Variants in WNT5B observed in about 807,000 individuals in gnomAD.
The protein encoded by WNT5B is Wnt family member 5B.
In WNT5B, 18 loss-of-function variants were observed where a neutral mutation model predicts 36.5. The ratio of observed to expected loss-of-function variants is 0.49; its 90% CI spans 0.34 to 0.73. The LOEUF (loss-of-function observed/expected upper bound fraction) is 0.73. Among genes scored for constraint, WNT5B ranks in the 30% least tolerant of loss-of-function variants. WNT5B has a pLI of 0.01. For synonymous variants in WNT5B, 213 were observed against 212.3 expected (o/e 1.00, Z -0.03); for missense variants, 424 against 508.4 (o/e 0.83, Z 1.60).
Position 1,637,958 on chromosome 12 carries a change from C to T in WNT5B, c.329-1726C>T, listed in dbSNP as rs138925394. ...CCACAAACCTTCAATTTGTAAAAAACGCAACACCGGCCAGGCACGGTGGCT... is the reference window on the plus strand; with the variant it reads ...CCACAAACCTTCAATTTGTAAAAAATGCAACACCGGCCAGGCACGGTGGCT... On this transcript the variant is annotated intron_variant, in intron 3 of 4. Transcript: ENST00000397196. Among the ~76,000 whole-genome samples, 240 of 151,046 alleles carry T rather than the reference C, an allele frequency of 1.6e-3. 1 individual carries two copies. The highest frequency in any genetic ancestry group is 5.3e-3 in the African/African-American group (220 of 41,126).
In WNT5B at chr12:1,633,878, T is replaced by C. The variant is rs1477716598; in HGVS notation, c.328+973T>C. Among the ~76,000 whole-genome samples, 1 of 149,982 alleles carries C rather than the reference T, an allele frequency of 6.7e-6. No individual in the cohort carries two copies. The highest frequency in any genetic ancestry group is 1.5e-5 in the Non-Finnish European group (1 of 67,262). ...GAAGGCTCCTTCCCCCTCCCACTTA[T>C]TCCAGACCTCTTTCCCTACCCTCTC... On this transcript the variant is annotated intron_variant, in intron 3 of 4. Coordinates refer to ENST00000397196, the MANE Select transcript of WNT5B (RefSeq NM_032642.3). This position sits in a 1 kb window ranked among gnomAD's most constrained non-coding sequence, Gnocchi z 4.8.
chr12:1,617,855 T>C (rs2094528933), intron 1 of WNT5B, among the ~76,000 whole-genome samples: 1 of 151,986 alleles, frequency 6.6e-6, no homozygotes, highest in African/African-American at 2.4e-5. Flanking sequence ...CAAAGACACT[T>C]GGGCTGGGCG....
intron 3 of WNT5B, among the ~76,000 whole-genome samples, chr12:1,638,001 C>A (rs1284612619): frequency 6.6e-6 from 1 of 152,212 alleles, no homozygotes; most frequent in Non-Finnish European, 1.5e-5. Context: ...CTAATCCCAG[C>A]ACTTTGGGAG....
chr12:1,632,869 G>C lies in WNT5B; in HGVS notation c.292G>C (p.Asp98His). The change falls in exon 3 of 5, where the codon GAC becomes CAC. Residue 98 changes from aspartate to histidine, a missense_variant. Asp to His is a moderately conservative substitution (Grantham distance 81). Coordinates refer to ENST00000397196, the MANE Select transcript of WNT5B (RefSeq NM_032642.3). The surrounding 1 kb of genome is among the most constrained non-coding windows in gnomAD (Gnocchi z 5.8). ...GCGGCGGTGGAATTGCAGCACAGCG[G>C]ACAACGCATCTGTCTTTGGGAGAGT... ...RQRRWNCSTADNASVFGRVMQ... is the reference protein window; with the variant it reads ...RQRRWNCSTAHNASVFGRVMQ... 6.2e-7 allele frequency: 1 copy of C among 1,613,948 alleles called. No individual in the cohort carries two copies. The highest frequency in any genetic ancestry group is 8.5e-7 in the Non-Finnish European group (1 of 1,179,880).
chr12:1,622,204 G>A (rs12369787), intron 1 of WNT5B, among the ~76,000 whole-genome samples: 35,800 of 150,008 alleles, frequency 0.24, 4,896 homozygotes, highest in Non-Finnish European at 0.32. Flanking sequence ...TCCGCTTCCC[G>A]GGTTCACGCC....
At chr12:1,635,267 C>T (rs2094558540) in intron 3 of WNT5B, among the ~76,000 whole-genome samples, 1 of 152,208 alleles carries the variant, frequency 6.6e-6, no homozygotes, top group African/African-American at 2.4e-5. Flanking sequence ...GTTAGTTCAG[C>T]TGCAGGTACG....
chr12:1,621,685 A>T (rs975098126), intron 1 of WNT5B, among the ~76,000 whole-genome samples: 1 of 149,206 alleles, frequency 6.7e-6, no homozygotes, highest in Admixed American at 6.7e-5. Flanking sequence ...AGGATTACAG[A>T]CATGTGCCAC....
upstream of WNT5B, among the ~76,000 whole-genome samples, chr12:1,624,400 AAG>A (rs1277473887): frequency 4.1e-3 from 580 of 140,302 alleles, 5 homozygotes; most frequent in African/African-American, 0.013. Context: ...AAAAAAAAAA[AAG>A]AGAAAGCAGA....
intron 1 of WNT5B, among the ~76,000 whole-genome samples, chr12:1,621,606 G>A (rs2094533849): frequency 6.6e-6 from 1 of 152,212 alleles, no homozygotes; most frequent in East Asian, 1.9e-4. Flanking sequence ...CTGGAGTGCA[G>A]TGGTACAATC....
chr12:1,636,320 G>A (rs1204915310), intron 3 of WNT5B, among the ~76,000 whole-genome samples: 3 of 151,234 alleles, frequency 2.0e-5, no homozygotes, highest in Admixed American at 6.6e-5. Flanking sequence ...CTGCACACCC[G>A]TTAACTGTCA....
intron 3 of WNT5B, among the ~76,000 whole-genome samples, chr12:1,636,044 C>T (rs1407597771): frequency 6.6e-6 from 1 of 152,138 alleles, no homozygotes. Context: ...CCTTCCAAGA[C>T]AAGACTCTGG....
Position 1,630,346 on chromosome 12 carries a change from T to A in WNT5B, c.-57-952T>A. ...AGGCGCAGGCTCGCTCTAGCAGCAC[T>A]GACCTGCTGCGGGTCCCAGGGCCTG... On this transcript the variant is annotated intron_variant, in intron 1 of 4. Transcript: ENST00000397196. This position sits in a 1 kb window ranked among gnomAD's most constrained non-coding sequence, Gnocchi z 5.3. 1.7e-6 allele frequency: 1 copy of A among 584,384 alleles called. No homozygotes were observed. The highest frequency in any genetic ancestry group is 2.2e-6 in the Non-Finnish European group (1 of 463,974). 36.2% of individuals were successfully genotyped at this position (584,384 alleles called of 1,614,324 possible). A position where few individuals can be genotyped will look rare whatever the true frequency, so the allele number is the denominator to read the frequency against.
intron 3 of WNT5B, among the ~76,000 whole-genome samples, chr12:1,639,301 C>G (rs543620840): frequency 6.6e-6 from 1 of 151,718 alleles, no homozygotes; most frequent in Non-Finnish European, 1.5e-5. Context: ...CCACGCCCGG[C>G]TAATTTTTTG....
At chr12:1,628,038 C>T (rs2094543617), upstream of WNT5B, among the ~76,000 whole-genome samples, 1 of 152,132 alleles carries the variant, frequency 6.6e-6, no homozygotes, top group Non-Finnish European at 1.5e-5. Context: ...AGAGGAGGAA[C>T]AGAGCAGATG....
chr12:1,641,385 CAA>C (rs1371392049), intron 4 of WNT5B, among the ~76,000 whole-genome samples: 14 of 100,926 alleles, frequency 1.4e-4, no homozygotes, highest in African/African-American at 1.4e-4. Context: ...GACTCCATCT[CAA>C]AAAAAAAAAA....
chr12:1,630,295 G>A lies in WNT5B; in HGVS notation c.-58+924G>A, dbSNP rs2094547973. On this transcript the variant is annotated intron_variant, in intron 1 of 4. Transcript: ENST00000397196. The surrounding 1 kb of genome is among the most constrained non-coding windows in gnomAD (Gnocchi z 5.3). The stretch of plus-strand genomic sequence containing the variant: ...AGACGGGGGCCCCGGAGGACCGCGG[G>A]GGAGCCGCAGGGGCCGTGTGTCCCG... The A allele has an allele frequency of 3.3e-6, 3 of 917,780 alleles. No homozygotes were observed. Among genetic ancestry groups the A allele is most frequent in the East Asian group, 1.2e-4 (1 of 8,496 alleles). 56.9% of individuals were successfully genotyped at this position (917,780 alleles called of 1,614,324 possible).
intron 4 of WNT5B, among the ~76,000 whole-genome samples, chr12:1,640,635 G>A (rs1472691706): frequency 6.6e-6 from 1 of 152,330 alleles, no homozygotes; most frequent in East Asian, 1.9e-4. Context: ...AGGGGAGCTG[G>A]GTTCATTGTA....
intron 3 of WNT5B, among the ~76,000 whole-genome samples, chr12:1,634,530 C>T (rs919478111): frequency 2.0e-5 from 3 of 152,156 alleles, no homozygotes; most frequent in African/African-American, 7.2e-5. Flanking sequence ...AGGTGGCCAG[C>T]GAAAGCAAAC....
rs1256653924 is a variant in WNT5B at position 1,647,173 on chromosome 12, G to T, written c.*921G>T. ...CGGCGTGCTCATCATCTCTGCCCCA[G>T]GTGTACGGTTTCTCTCTGACATTAA... is the stretch of plus-strand genomic sequence containing the variant. On this transcript the variant is annotated 3_prime_UTR_variant, in exon 5 of 5. Transcript: ENST00000397196. 6.6e-6 allele frequency: 1 copy of T among 152,280 alleles called. No individual in the cohort carries two copies. Among genetic ancestry groups the T allele is most frequent in the Non-Finnish European group, 1.5e-5 (1 of 68,128 alleles). 9.4% of individuals were successfully genotyped at this position (152,280 alleles called of 1,614,324 possible).
Sources: gnomAD v4.1 joint callset for allele counts (sites outside exome capture counted in the v4.1 genomes callset) on GRCh38, gnomAD v4.1.1 for gene constraint, Gnocchi (gnomAD v3.1) non-coding constraint, MANE v1.5 for transcripts, NCBI Gene and HGNC (gene_info 2026-07-23, HGNC 2026-07-21) for gene names.